CMTM6: variants seen among roughly 807,000 people sequenced by gnomAD.
CMTM6 encodes CKLF-like MARVEL transmembrane domain-containing protein 6.
A neutral mutation model predicts 13.6 loss-of-function variants in CMTM6; 5 were observed. The observed-to-expected ratio is 0.37, with a 90% CI of 0.19 to 0.77. The LOEUF (loss-of-function observed/expected upper bound fraction) is 0.77, where lower values mean the gene tolerates loss of function less well. Ranked by LOEUF, CMTM6 falls within the 30% of genes least tolerant of loss-of-function variation. The pLI, the probability that CMTM6 is intolerant of heterozygous loss-of-function variation, is 0.50. For synonymous variants in CMTM6, 99 were observed against 84.5 expected, an observed-to-expected ratio of 1.17 and a Z score of -0.94; for missense variants, 196 against 218.6, an observed-to-expected ratio of 0.90 and a Z score of 0.65.
chr3:32,488,613 C>T (rs183521330), intron 2 of CMTM6, among the ~76,000 whole-genome samples: 268 of 152,254 alleles, frequency 1.8e-3, no homozygotes, highest in African/African-American at 6.1e-3. Flanking sequence ...TAAAAACCAC[C>T]CGTTATTAAA....
rs980691650 is a variant in CMTM6 at position 32,502,844 on chromosome 3, G to C, written c.-99C>G. On this transcript the variant is annotated 5_prime_UTR_variant, in exon 1 of 4. Transcript: ENST00000205636. ...GCCGGGAGGCGGCCGTCACTTCCTG[G>C]GCCTTCTCCCCGGCTTCCGCCTGAC... The C allele has an allele frequency of 3.0e-6, 4 of 1,321,702 alleles. No individual in the cohort carries two copies. The African/African-American group carries it at 6.2e-5, about 21-fold the overall frequency. 81.9% of individuals were successfully genotyped at this position (1,321,702 alleles called of 1,614,324 possible). A position where few individuals can be genotyped will look rare whatever the true frequency, so the allele number is the denominator to read the frequency against.
intron 1 of CMTM6, among the ~76,000 whole-genome samples, chr3:32,494,994 T>A (rs1697278688): frequency 6.6e-6 from 1 of 151,666 alleles, no homozygotes; most frequent in African/African-American, 2.4e-5. Flanking sequence ...CACATACAAA[T>A]GTGGGACCTC....
chr3:32,489,613 T>C (rs181933729), intron 2 of CMTM6, among the ~76,000 whole-genome samples: 3 of 151,228 alleles, frequency 2.0e-5, no homozygotes, highest in African/African-American at 4.9e-5. Context: ...GATCGTGCCA[T>C]TGCACTCCAG....
intron 3 of CMTM6, among the ~76,000 whole-genome samples, chr3:32,485,981 G>A (rs961358760): frequency 1.3e-5 from 2 of 152,266 alleles, no homozygotes; most frequent in African/African-American, 4.8e-5. Context: ...CGGTTCAAGC[G>A]ATTTTCCTGC....
intron 1 of CMTM6, among the ~76,000 whole-genome samples, chr3:32,495,964 G>A (rs918981740): frequency 2.6e-5 from 4 of 152,170 alleles, no homozygotes; most frequent in African/African-American, 9.7e-5. Context: ...GCCAAGGCGG[G>A]CAGATCACTT....
At chr3:32,489,659 GAA>G (rs57136978) in intron 2 of CMTM6, among the ~76,000 whole-genome samples, 2 of 118,106 alleles carry the variant, frequency 1.7e-5, no homozygotes, top group Admixed American at 1.7e-4. Context: ...TCTCAAAAAA[GAA>G]AAAAAAAAAA....
intron 1 of CMTM6, among the ~76,000 whole-genome samples, chr3:32,498,859 T>G (rs1338750002): frequency 2.6e-5 from 4 of 152,096 alleles, no homozygotes; most frequent in Non-Finnish European, 4.4e-5. Flanking sequence ...ATTACAGGCA[T>G]GAGCCACCGC....
At chr3:32,490,230 A>G (rs1431201452) in intron 2 of CMTM6, among the ~76,000 whole-genome samples, 4 of 151,628 alleles carry the variant, frequency 2.6e-5, no homozygotes, top group African/African-American at 9.7e-5. Flanking sequence ...TGGGTAACAC[A>G]GCAAGACTTC....
intron 3 of CMTM6, among the ~76,000 whole-genome samples, chr3:32,484,945 C>G (rs1381568757): frequency 6.6e-6 from 1 of 152,074 alleles, no homozygotes; most frequent in African/African-American, 2.4e-5. Context: ...CATTTTACCA[C>G]AAAGTAAACT....
chr3:32,494,168 C>T (rs1023724870), intron 1 of CMTM6, among the ~76,000 whole-genome samples: 2 of 152,150 alleles, frequency 1.3e-5, no homozygotes, highest in African/African-American at 2.4e-5. Flanking sequence ...TAACTCTTCT[C>T]TAGAAATAGA....
At chr3:32,484,171 A>G (rs927771689) in intron 3 of CMTM6, 74 bp from the exon 4 acceptor site, 1 of 1,241,274 alleles carries the variant, frequency 8.1e-7, no homozygotes, top group East Asian at 2.6e-5. Flanking sequence ...TGGCTTGGAG[A>G]ATGTTTCATA....
intron 1 of CMTM6, among the ~76,000 whole-genome samples, chr3:32,495,979 C>G (rs1395806541): frequency 1.3e-5 from 2 of 151,910 alleles, no homozygotes; most frequent in African/African-American, 4.8e-5. Flanking sequence ...TCACTTGAGG[C>G]CTTCTGGCCA....
At chr3:32,487,874 C>T in intron 3 of CMTM6, 64 bp downstream of exon 3, 1 of 1,152,964 alleles carries the variant, frequency 8.7e-7, no homozygotes, top group Non-Finnish European at 1.3e-6. Flanking sequence ...TTGTCAAGTA[C>T]TCTCCAAATT....
intron 1 of CMTM6, among the ~76,000 whole-genome samples, chr3:32,494,207 C>A (rs984991498): frequency 3.3e-5 from 5 of 152,074 alleles, no homozygotes; most frequent in Non-Finnish European, 7.4e-5. Flanking sequence ...GAGTATTTTG[C>A]TTGGGCAGTT....
Position 32,502,621 on chromosome 3 carries a change from T to C in CMTM6, c.125A>G (p.Lys42Arg), listed in dbSNP as rs1418827881. ...GRLPLLRRVL[K>R]GLQLLLSLLA... ...CCGCGGACTCACCAGCTGCAAGCCC[T>C]TGAGAACGCGCCGGAGCAATGGGAG... Residue 42 changes from lysine (K) to arginine (R), a missense_variant, in exon 1 of 4, where the codon AAG (lysine) becomes AGG (arginine). Physicochemically the swap from Lys to Arg is conservative, Grantham distance 26. This residue lies in a region of CMTM6 where 85 missense variants were observed against 58.7 expected (regional missense o/e 1.45). Transcript: ENST00000205636. 1 of 1,597,400 alleles carries C rather than the reference T, an allele frequency of 6.3e-7. No individual in the cohort carries two copies. The highest frequency in any genetic ancestry group is 8.5e-7 in the Non-Finnish European group (1 of 1,173,984).
chr3:32,501,070 C>A (rs1575140244), intron 1 of CMTM6, among the ~76,000 whole-genome samples: 1 of 149,820 alleles, frequency 6.7e-6, no homozygotes, highest in Admixed American at 6.7e-5. Flanking sequence ...CATGGAGGTG[C>A]GTGCCTGTAG....
chr3:32,495,718 T>TA (rs1245900003), intron 1 of CMTM6, among the ~76,000 whole-genome samples: 4 of 152,020 alleles, frequency 2.6e-5, no homozygotes, highest in Non-Finnish European at 5.9e-5. Context: ...CTACTTTCAG[T>TA]AAAAAAAGAC....
At chr3:32,492,942 A>G (rs1697260818) in intron 1 of CMTM6, among the ~76,000 whole-genome samples, 1 of 152,230 alleles carries the variant, frequency 6.6e-6, no homozygotes, top group African/African-American at 2.4e-5. Context: ...GAGATCTTAA[A>G]CACTTGAGAA....
At chr3:32,502,552 C>G (rs2125661031) in intron 1 of CMTM6, 56 bp downstream of exon 1, 1 of 1,551,806 alleles carries the variant, frequency 6.4e-7, no homozygotes, top group Non-Finnish European at 8.7e-7. Flanking sequence ...GCCTCCCAAG[C>G]CCGGGCCAGA....
Sources: allele counts gnomAD v4.1 joint callset (sites outside exome capture counted in the v4.1 genomes callset), GRCh38; gene constraint gnomAD v4.1.1; regional missense constraint gnomAD v4.1.1; transcripts MANE v1.5; gene names NCBI Gene and HGNC (gene_info 2026-07-23, HGNC 2026-07-21).